The following DEK variants were observed in gnomAD, a reference collection of about 807,000 sequenced individuals.
DEK encodes the protein protein DEK.
In DEK, 28 loss-of-function variants were observed where a neutral mutation model predicts 46.8. The ratio of observed to expected loss-of-function variants is 0.60; its 90% CI spans 0.44 to 0.82. The LOEUF is 0.82. Among genes scored for constraint, DEK ranks in the 40% least tolerant of loss-of-function variants. The pLI, the probability that DEK is intolerant of heterozygous loss-of-function variation, is 0.00. For synonymous variants in DEK, 160 were observed against 144.5 expected (o/e 1.11, Z -0.77); for missense variants, 416 against 430.6 (o/e 0.97, Z 0.30).
intron 6 of DEK, among the ~76,000 whole-genome samples, chr6:18,252,717 CATA>C (rs1215190943): frequency 1.3e-5 from 2 of 152,074 alleles, no homozygotes; most frequent in African/African-American, 4.8e-5. Context: ...AAACTATTTT[CATA>C]ATAATAGCAA....
intron 4 of DEK, among the ~76,000 whole-genome samples, chr6:18,257,387 T>G (rs1256010475): frequency 2.6e-5 from 4 of 152,176 alleles, no homozygotes; most frequent in Non-Finnish European, 5.9e-5. Flanking sequence ...TAATTTGAAA[T>G]TTCAGTTTGG....
intron 2 of DEK, 29 bp downstream of exon 2, chr6:18,263,812 AAT>A (rs1378570661): frequency 5.0e-6 from 8 of 1,610,906 alleles, no homozygotes; most frequent in Non-Finnish European, 5.9e-6. Flanking sequence ...CGGTCTGAAA[AAT>A]TCATCAGTTG....
At chr6:18,259,756 T>G (rs1271365238) in intron 2 of DEK, among the ~76,000 whole-genome samples, 3 of 152,208 alleles carry the variant, frequency 2.0e-5, no homozygotes, top group Admixed American at 1.3e-4. Flanking sequence ...TTGATTATTT[T>G]GGGACTAGAG....
chr6:18,255,649 A>T, intron 6 of DEK, 82 bp downstream of exon 6: 3 of 1,457,846 alleles, frequency 2.1e-6, no homozygotes, highest in South Asian at 2.7e-5. Flanking sequence ...ACTGACAGCA[A>T]TGCTGTTATT....
At chr6:18,258,986 A>G (rs775223550) in intron 2 of DEK, among the ~76,000 whole-genome samples, 6 of 152,204 alleles carry the variant, frequency 3.9e-5, no homozygotes, top group Admixed American at 2.6e-4. Context: ...TAGTTTATGA[A>G]TAACATTCCT....
intron 4 of DEK, 116 bp from the exon 5 acceptor site, chr6:18,256,571 T>C (rs1791607267): frequency 7.9e-6 from 6 of 764,204 alleles, no homozygotes; most frequent in Admixed American, 3.1e-5. Flanking sequence ...TAAGTTACAA[T>C]ACTGGCTGAA....
intron 7 of DEK, among the ~76,000 whole-genome samples, chr6:18,242,690 A>G (rs537351140): frequency 1.3e-5 from 2 of 152,296 alleles, no homozygotes; most frequent in East Asian, 1.9e-4. Flanking sequence ...CTTGTGCCCA[A>G]GTACCCTTAT....
At chr6:18,237,778 C>T (rs978703831) in intron 7 of DEK, among the ~76,000 whole-genome samples, 35 of 151,592 alleles carry the variant, frequency 2.3e-4, no homozygotes, top group African/African-American at 8.5e-4. Context: ...ATATGCATTA[C>T]TCTACTTAAT....
At chr6:18,242,058 T>G (rs751764672) in intron 7 of DEK, among the ~76,000 whole-genome samples, 13 of 152,246 alleles carry the variant, frequency 8.5e-5, no homozygotes, top group Non-Finnish European at 1.2e-4. Flanking sequence ...TCAGGAATTC[T>G]AGAGAGAACT....
chr6:18,244,556 A>C (rs1300626925), intron 7 of DEK: 1 of 1,289,200 alleles, frequency 7.8e-7, no homozygotes, highest in Admixed American at 2.3e-5. Flanking sequence ...TCCAAAAAAG[A>C]CGCCTGTCAC....
At chr6:18,257,254 G>T (rs1419564616) in intron 4 of DEK, among the ~76,000 whole-genome samples, 1 of 152,088 alleles carries the variant, frequency 6.6e-6, no homozygotes, top group Non-Finnish European at 1.5e-5. Flanking sequence ...GAGATCATAT[G>T]TATGATCTCA....
chr6:18,236,515 T>C lies in DEK; in HGVS notation c.984A>G (p.Thr328=), dbSNP rs201058972. The C allele has an allele frequency of 1.4e-5, 22 of 1,606,728 alleles. No individual in the cohort carries two copies. The highest frequency in any genetic ancestry group is 1.9e-5 in the Non-Finnish European group (22 of 1,177,918). The part of the protein sequence containing the change: ...KPPTDEELKE[T]IKKLLASANL... The stretch of plus-strand genomic sequence containing the variant: ...TAGCACTGGCCAGTAATTTCTTTAT[T>C]GTTTCCTTTAACTCTTCATCTGTAG... The change falls in exon 9 of 11, where the codon ACA becomes ACG. Residue 328 remains threonine (T), a synonymous_variant. Transcript: ENST00000652689.
At position 18,263,946 on chromosome 6, in the gene DEK, G is replaced by A. The variant is rs139139549; in HGVS notation, c.42C>T (p.Pro14=). The change falls in exon 2 of 11, where the codon CCC becomes CCT. Residue 14 remains proline (P), a synonymous_variant. Coordinates refer to ENST00000652689, the MANE Select transcript of DEK (RefSeq NM_003472.4). The stretch of plus-strand genomic sequence containing the variant: ...GTTCTTTCTCGGACGCGGGCTGGGT[G>A]GGGGTTCCCTCCCCCTCCGCAGCAG... ...SAPAAEGEGT[P]TQPASEKEPE... 733 of 1,613,196 alleles carry A rather than the reference G, an allele frequency of 4.5e-4. 1 individual carries two copies. Among genetic ancestry groups the A allele is most frequent in the Non-Finnish European group, 6.0e-4 (709 of 1,179,678 alleles).
chr6:18,258,098 G>T, intron 3 of DEK, 36 bp from the exon 4 acceptor site: 1 of 1,396,908 alleles, frequency 7.2e-7, no homozygotes. Flanking sequence ...AAATACCTAT[G>T]GCTTACTAAT....
Position 18,239,337 on chromosome 6 carries a change from TC to T in DEK, c.763-1822del, listed in dbSNP as rs1427240883. ...TCAAGCTATTCATTGGATTTTAGTG[TC>T]TTTTTTTTTTTTTTTTTTTTTTTAA... On this transcript the variant is annotated intron_variant, in intron 7 of 10. Coordinates refer to ENST00000652689, the MANE Select transcript of DEK (RefSeq NM_003472.4). 2.6e-3 allele frequency among the ~76,000 whole-genome samples: 324 copies of T among 123,014 alleles called. 1 individual carries two copies. Among genetic ancestry groups the T allele is most frequent in the Non-Finnish European group, 4.1e-3 (250 of 61,714 alleles). The allele number at this position is 123,014 out of a possible 152,430, so 80.7% of individuals were successfully genotyped here.
chr6:18,257,291 T>C (rs1311142408), intron 4 of DEK, among the ~76,000 whole-genome samples: 1 of 152,222 alleles, frequency 6.6e-6, no homozygotes, highest in Non-Finnish European at 1.5e-5. Flanking sequence ...ATTCACTTAT[T>C]CTGAATGTCG....
intron 1 of DEK, 67 bp from the exon 2 acceptor site, chr6:18,264,063 C>G (rs1465614660): frequency 2.8e-6 from 4 of 1,434,024 alleles, no homozygotes; most frequent in Non-Finnish European, 3.7e-6. Flanking sequence ...GGGCGGCCAC[C>G]CTGAATGATG....
intron 2 of DEK, among the ~76,000 whole-genome samples, chr6:18,258,675 A>T (rs1366092259): frequency 1.3e-5 from 2 of 152,232 alleles, no homozygotes; most frequent in African/African-American, 4.8e-5. Flanking sequence ...ATTTTTATCC[A>T]ACTAAAATTA....
In DEK at chr6:18,233,755, T is replaced by G. The variant is rs200358314; in HGVS notation, c.1047+2697A>C. The stretch of plus-strand genomic sequence containing the variant: ...CACTTTTACACTGCTGGTGGGACTT[T>G]AACTAGTTCAACCATTGTGGAAGAC... On this transcript the variant is annotated intron_variant, in intron 9 of 10. Coordinates refer to ENST00000652689, the MANE Select transcript of DEK (RefSeq NM_003472.4). Among the ~76,000 whole-genome samples, 6 of 151,224 alleles carry G rather than the reference T, an allele frequency of 4.0e-5. No individual in the cohort carries two copies. The East Asian group carries it at 1.2e-3, about 29-fold the overall frequency.
Sources: gnomAD v4.1 joint callset for allele counts (sites outside exome capture counted in the v4.1 genomes callset) on GRCh38, gnomAD v4.1.1 for gene constraint, MANE v1.5 for transcripts, NCBI Gene and HGNC (gene_info 2026-07-23, HGNC 2026-07-21) for gene names.